NT5DC1: variants seen among roughly 807,000 people sequenced by gnomAD.
The protein encoded by NT5DC1 is 5'-nucleotidase domain-containing protein 1.
NT5DC1 carries 42 observed loss-of-function variants against 59.4 expected under a neutral mutation model. That is an observed-to-expected ratio of 0.71 (90% confidence interval 0.55 to 0.92). The LOEUF is 0.92. Among genes scored for constraint, NT5DC1 ranks in the 40% least tolerant of loss-of-function variants. The probability of loss-of-function intolerance (pLI) is 0.00; values close to 1 mark genes in which losing one functional copy is unlikely to be tolerated. For missense variants in NT5DC1, 501 were observed against 537.1 expected (o/e 0.93, Z 0.66); for synonymous variants, 172 against 188.1 (o/e 0.91, Z 0.70).
intron 8 of NT5DC1, among the ~76,000 whole-genome samples, chr6:116,236,372 A>C: frequency 6.6e-6 from 1 of 152,182 alleles, no homozygotes; most frequent in East Asian, 1.9e-4. Context: ...TACCTCTTTC[A>C]CTAGCCCTGC....
At position 116,237,062 on chromosome 6, in the gene NT5DC1, T is replaced by C. The variant is rs950762785; in HGVS notation, c.899T>C (p.Met300Thr). The change falls in exon 9 of 12, where the codon ATG becomes ACG. Residue 300 changes from methionine (M) to threonine (T), a missense_variant. Coordinates refer to ENST00000319550, the MANE Select transcript of NT5DC1 (RefSeq NM_152729.3). Reference sequence around the variant, plus strand: ...CACCTCTATGAACTTCTGAAGAAAATGACTGGCAAACCTGAACCCAAGGTA... The same window carrying C: ...CACCTCTATGAACTTCTGAAGAAAACGACTGGCAAACCTGAACCCAAGGTA... ...AVHLYELLKKMTGKPEPKVVY... is the reference protein window; with the variant it reads ...AVHLYELLKKTTGKPEPKVVY... The C allele has an allele frequency of 5.6e-6, 9 of 1,610,888 alleles. No individual in the cohort carries two copies.
intron 6 of NT5DC1, among the ~76,000 whole-genome samples, chr6:116,161,956 T>C (rs1323466827): frequency 1.3e-5 from 2 of 152,146 alleles, no homozygotes; most frequent in African/African-American, 4.8e-5. Flanking sequence ...TCCTAGATAG[T>C]TTATGTTTTT....
intron 6 of NT5DC1, among the ~76,000 whole-genome samples, chr6:116,197,901 A>T (rs1264080596): frequency 6.6e-6 from 1 of 152,048 alleles, no homozygotes; most frequent in Non-Finnish European, 1.5e-5. Context: ...TGTCTACTTC[A>T]TTAGGAGCTC....
chr6:116,187,150 A>G (rs77040948), intron 6 of NT5DC1, among the ~76,000 whole-genome samples: 6,151 of 152,142 alleles, frequency 0.04, 193 homozygotes, highest in African/African-American at 0.083. Flanking sequence ...CTAGCCACCC[A>G]GCAGAGCTAC....
intron 6 of NT5DC1, among the ~76,000 whole-genome samples, chr6:116,205,482 A>G (rs1781431490): frequency 1.7e-5 from 1 of 58,152 alleles, no homozygotes; most frequent in African/African-American, 4.7e-4. Context: ...TTGGAACTTA[A>G]CTGAGTCAGC....
chr6:116,228,256 CCCA>C (rs1408181620), intron 8 of NT5DC1, among the ~76,000 whole-genome samples: 2 of 151,910 alleles, frequency 1.3e-5, no homozygotes, highest in Non-Finnish European at 2.9e-5. Context: ...CGCCTGTAAT[CCCA>C]CCACTTTGGG....
intron 6 of NT5DC1, among the ~76,000 whole-genome samples, chr6:116,157,088 G>A (rs900999860): frequency 6.6e-6 from 1 of 152,118 alleles, no homozygotes; most frequent in African/African-American, 2.4e-5. Context: ...ACCAGGTCTT[G>A]GGCTGCAATT....
intron 6 of NT5DC1, among the ~76,000 whole-genome samples, chr6:116,162,215 T>C (rs945871098): frequency 3.3e-4 from 51 of 152,328 alleles, no homozygotes; most frequent in African/African-American, 1.2e-3. Context: ...GATTATGTCC[T>C]CAGTGAATAG....
At chr6:116,193,900 C>CA (rs913905488) in intron 6 of NT5DC1, among the ~76,000 whole-genome samples, 63 of 151,902 alleles carry the variant, frequency 4.1e-4, no homozygotes, top group Non-Finnish European at 2.1e-4. Context: ...GCAAAAAATA[C>CA]AAAAAATACA....
At chr6:116,218,712 A>G (rs549846998) in intron 6 of NT5DC1, among the ~76,000 whole-genome samples, 1 of 152,300 alleles carries the variant, frequency 6.6e-6, no homozygotes, top group South Asian at 2.1e-4. Flanking sequence ...CACACACAGA[A>G]GTTCCTGTAG....
At chr6:116,227,541 C>T (rs868096946) in intron 8 of NT5DC1, among the ~76,000 whole-genome samples, 16 of 152,086 alleles carry the variant, frequency 1.1e-4, no homozygotes, top group Admixed American at 3.3e-4. Flanking sequence ...AGAACCTCCA[C>T]ACTTTTTTCC....
intron 6 of NT5DC1, among the ~76,000 whole-genome samples, chr6:116,150,549 C>T (rs1054827088): frequency 3.3e-5 from 5 of 152,068 alleles, no homozygotes; most frequent in African/African-American, 7.2e-5. Flanking sequence ...CCTCCCAAAA[C>T]GCTGGGATTA....
At chr6:116,124,851 TG>T (rs1562127012) in intron 6 of NT5DC1, among the ~76,000 whole-genome samples, 1 of 152,176 alleles carries the variant, frequency 6.6e-6, no homozygotes. Context: ...TGTTCATTGT[TG>T]GGGGGGAGGC....
At chr6:116,130,375 T>C (rs1340879625) in intron 6 of NT5DC1, among the ~76,000 whole-genome samples, 1 of 152,142 alleles carries the variant, frequency 6.6e-6, no homozygotes, top group Non-Finnish European at 1.5e-5. Context: ...TCAGAATTTT[T>C]TCCCCATTTT....
At chr6:116,238,881 C>A in intron 10 of NT5DC1, 74 bp from the exon 11 acceptor site, 1 of 965,290 alleles carries the variant, frequency 1.0e-6, no homozygotes, top group Non-Finnish European at 1.6e-6. Flanking sequence ...TTTTTATTTA[C>A]TTAATAGACA....
At chr6:116,216,815 T>A (rs1781696021) in intron 6 of NT5DC1, among the ~76,000 whole-genome samples, 1 of 152,218 alleles carries the variant, frequency 6.6e-6, no homozygotes, top group Non-Finnish European at 1.5e-5. Context: ...GTTTCTTCTT[T>A]TAAGAAAATT....
intron 6 of NT5DC1, among the ~76,000 whole-genome samples, chr6:116,187,162 G>A (rs986117489): frequency 4.6e-5 from 7 of 152,030 alleles, no homozygotes; most frequent in African/African-American, 1.7e-4. Context: ...CAGAGCTACT[G>A]GGCTTTGATC....
intron 8 of NT5DC1, among the ~76,000 whole-genome samples, chr6:116,229,252 C>A (rs945256621): frequency 2.0e-5 from 3 of 152,188 alleles, no homozygotes; most frequent in Non-Finnish European, 2.9e-5. Context: ...AGTTGTCCTT[C>A]TGTTTTCTCA....
chr6:116,151,845 A>G (rs1010747236), intron 6 of NT5DC1, among the ~76,000 whole-genome samples: 4 of 152,228 alleles, frequency 2.6e-5, no homozygotes, highest in Non-Finnish European at 5.9e-5. Context: ...TTATTGAGAT[A>G]TTAATAAACT....
Sources: allele counts gnomAD v4.1 joint callset (sites outside exome capture counted in the v4.1 genomes callset), GRCh38; gene constraint gnomAD v4.1.1; transcripts MANE v1.5; gene names NCBI Gene and HGNC (gene_info 2026-07-23, HGNC 2026-07-21).